Variants in PCF11 observed in about 807,000 individuals in gnomAD.
PCF11 encodes the protein pre-mRNA cleavage complex 2 protein Pcf11.
In PCF11, 19 loss-of-function variants were observed where a neutral mutation model predicts 166.1. The ratio of observed to expected loss-of-function variants is 0.11; its 90% CI spans 0.08 to 0.17. PCF11 has a LOEUF of 0.17. Ranked by LOEUF, PCF11 falls within the 10% of genes least tolerant of loss-of-function variation. PCF11 has a pLI of 1.00. For missense variants in PCF11, 1,565 were observed against 1,855.5 expected (o/e 0.84, Z 2.88); for synonymous variants, 663 against 644.1 (o/e 1.03, Z -0.44).
intron 15 of PCF11, among the ~76,000 whole-genome samples, chr11:83,183,564 C>T (rs571533113): frequency 1.3e-5 from 2 of 152,220 alleles, no homozygotes; most frequent in African/African-American, 4.8e-5. Context: ...AATCTCGGCT[C>T]ACTGCAACCT....
chr11:83,163,299 A>C (rs1043300836), intron 2 of PCF11, among the ~76,000 whole-genome samples: 2 of 152,190 alleles, frequency 1.3e-5, no homozygotes, highest in African/African-American at 2.4e-5. Context: ...ATAATTTAAA[A>C]CATTTAAGCC....
rs1328622595 is a variant in PCF11, at chr11:83,160,982, GAC to G, written c.193-342_193-341del. Among the ~76,000 whole-genome samples the G allele has an allele frequency of 2.0e-5, 3 of 152,300 alleles. No individual in the cohort carries two copies. The East Asian group carries it at 5.8e-4, about 29-fold the overall frequency. ...GTAAGTTAATATGGGTCACAAAACT[GAC>G]ACTTGGATTATATAAAGTAATTTTC... is the stretch of plus-strand genomic sequence containing the variant. On this transcript the variant is annotated intron_variant, in intron 1 of 15. Coordinates refer to ENST00000298281, the Ensembl canonical transcript of PCF11.
At chr11:83,165,570 G>A (rs781359671) in intron 4 of PCF11, 30 bp from the exon 5 acceptor site, 22 of 1,565,994 alleles carry the variant, frequency 1.4e-5, no homozygotes, top group Admixed American at 3.7e-5. Flanking sequence ...GTTCTGCAGT[G>A]TTAACATGAA....
intron 1 of PCF11, 88 bp downstream of exon 1, chr11:83,157,719 G>C: frequency 8.2e-7 from 1 of 1,215,904 alleles, no homozygotes; most frequent in Non-Finnish European, 1.2e-6. Context: ...TCCATCCCAA[G>C]GGGGACAGTG....
chr11:83,174,004 C>T (rs1288064970), intron 9 of PCF11, among the ~76,000 whole-genome samples: 1 of 152,048 alleles, frequency 6.6e-6, no homozygotes, highest in Non-Finnish European at 1.5e-5. Context: ...GCTGGGACTA[C>T]AGGTATGAGC....
exon 16 of PCF11, chr11:83,186,052 G>C (rs12295872): frequency 7.6e-4 from 115 of 152,248 alleles, no homozygotes; most frequent in African/African-American, 2.7e-3. Context: ...GGTAGATGGT[G>C]TCCCCACTTT....
chr11:83,157,803 C>CT, intron 1 of PCF11, 172 bp downstream of exon 1: 1 of 626,996 alleles, frequency 1.6e-6, no homozygotes, highest in Non-Finnish European at 2.8e-6. Context: ...GCATGGGCCT[C>CT]TGGGGGGGAG....
At chr11:83,179,091 A>G (rs146614368) in intron 11 of PCF11, among the ~76,000 whole-genome samples, 134 of 151,914 alleles carry the variant, frequency 8.8e-4, no homozygotes, top group African/African-American at 3.2e-3. Context: ...TTTGAATTAG[A>G]TACTATAATG....
chr11:83,174,001 C>T (rs1260094437), intron 9 of PCF11, among the ~76,000 whole-genome samples: 1 of 151,928 alleles, frequency 6.6e-6, no homozygotes, highest in Non-Finnish European at 1.5e-5. Context: ...AGTGCTGGGA[C>T]TACAGGTATG....
chr11:83,185,173 GTAAATTA>G, exon 16 of PCF11: 1 of 249,542 alleles, frequency 4.0e-6, no homozygotes, highest in Non-Finnish European at 7.6e-6. Flanking sequence ...CTGTGCAACT[GTAAATTA>G]TAAATAAAAA....
chr11:83,158,855 T>G (rs745978870), intron 1 of PCF11: 1 of 152,234 alleles, frequency 6.6e-6, no homozygotes, highest in African/African-American at 2.4e-5. Flanking sequence ...ATTATAAAAT[T>G]TGTGAATAAA....
exon 12 of PCF11, chr11:83,181,178 A>G: frequency 6.2e-7 from 1 of 1,603,354 alleles, no homozygotes; most frequent in Non-Finnish European, 8.5e-7. Flanking sequence ...AGACGTTGGT[A>G]CTACAGTTTA....
chr11:83,174,563 T>C (rs976560905), intron 9 of PCF11, among the ~76,000 whole-genome samples: 4 of 151,948 alleles, frequency 2.6e-5, no homozygotes, highest in African/African-American at 9.7e-5. Context: ...TTTTTTTTTT[T>C]GGTTTAACAA....
chr11:83,186,286 TGGGAA>T (rs1447880532), exon 16 of PCF11: 4 of 152,200 alleles, frequency 2.6e-5, no homozygotes, highest in Non-Finnish European at 1.5e-5. Flanking sequence ...TCCATACTGA[TGGGAA>T]GGGTATCTTT....
At chr11:83,169,367 C>T in exon 8 of PCF11, 3 of 1,613,628 alleles carry the variant, frequency 1.9e-6, no homozygotes, top group Non-Finnish European at 2.5e-6. Flanking sequence ...TTTGAGGGTC[C>T]TTCTGTACCA....
At chr11:83,174,122 G>A (rs1027551358) in intron 9 of PCF11, among the ~76,000 whole-genome samples, 4 of 152,116 alleles carry the variant, frequency 2.6e-5, no homozygotes, top group Admixed American at 1.3e-4. Flanking sequence ...TTGTTAGGGG[G>A]TATTGAATGG....
intron 1 of PCF11, among the ~76,000 whole-genome samples, chr11:83,159,123 A>G (rs1860125980): frequency 6.6e-6 from 1 of 152,094 alleles, no homozygotes; most frequent in Non-Finnish European, 1.5e-5. Flanking sequence ...GACCTCAACA[A>G]GTTTATCATG....
At position 83,164,454 on chromosome 11, in the gene PCF11, G is replaced by A. The variant is rs556849198; in HGVS notation, c.702+53G>A. Reference sequence around the variant, plus strand: ...TATTTTAAACCTGTCTAACAATAGGGAAGTAATGTTTATGTTTGAATTTTA... The same window carrying A: ...TATTTTAAACCTGTCTAACAATAGGAAAGTAATGTTTATGTTTGAATTTTA... On this transcript the variant is annotated intron_variant, in intron 4 of 15. Transcript: ENST00000298281. 250 of 1,283,236 alleles carry A rather than the reference G, an allele frequency of 1.9e-4. 6 individuals are homozygous for A. In the South Asian group the frequency reaches 3.4e-3, roughly 17 times the overall value. 79.5% of individuals were successfully genotyped at this position (1,283,236 alleles called of 1,614,324 possible). A position where few individuals can be genotyped will look rare whatever the true frequency, so the allele number is the denominator to read the frequency against.
intron 8 of PCF11, chr11:83,171,331 A>G (rs1860682552): frequency 2.2e-6 from 1 of 453,228 alleles, no homozygotes; most frequent in Non-Finnish European, 4.4e-6. Flanking sequence ...CAGGCTTTTG[A>G]TATCTGTGGA....
Sources: gnomAD v4.1 joint callset for allele counts (sites outside exome capture counted in the v4.1 genomes callset) on GRCh38, gnomAD v4.1.1 for gene constraint, MANE v1.5 for transcripts, NCBI Gene and HGNC (gene_info 2026-07-23, HGNC 2026-07-21) for gene names.